The following MTFMT variants were observed in gnomAD, a reference collection of about 807,000 sequenced individuals.
MTFMT encodes methionyl-tRNA formyltransferase, mitochondrial.
Under a neutral mutation model 51.8 loss-of-function variants are expected in MTFMT, and 47 were observed. The observed-to-expected ratio is 0.91, with a 90% CI of 0.72 to 1.16. The LOEUF (loss-of-function observed/expected upper bound fraction) is 1.16, where lower values mean the gene tolerates loss of function less well. Among genes scored for constraint, MTFMT ranks in the 50% most tolerant of loss-of-function variants. The probability of loss-of-function intolerance (pLI) is 0.00; values close to 1 mark genes in which losing one functional copy is unlikely to be tolerated. For synonymous variants in MTFMT, 196 were observed against 176.7 expected, an observed-to-expected ratio of 1.11 and a Z score of -0.87; for missense variants, 512 against 482.3, an observed-to-expected ratio of 1.06 and a Z score of -0.58.
At position 65,014,974 on chromosome 15, in the gene MTFMT, C is replaced by A. The variant is rs548172753; in HGVS notation, c.813+1462G>T. 7.6e-4 allele frequency among the ~76,000 whole-genome samples: 114 copies of A among 150,930 alleles called. 1 individual carries two copies. Among genetic ancestry groups the A allele is most frequent in the African/African-American group, 2.8e-3 (113 of 40,972 alleles). ...TTTTGCTTACTTGTTGTCTGTCCTC[C>A]CACAACACCTGTTTCTATAGTACCT... On this transcript the variant is annotated intron_variant, in intron 6 of 8. Coordinates refer to ENST00000220058, the MANE Select transcript of MTFMT (RefSeq NM_139242.4).
intron 2 of MTFMT, 122 bp from the exon 3 acceptor site, chr15:65,023,916 T>C: frequency 2.4e-6 from 2 of 839,144 alleles, no homozygotes; most frequent in Non-Finnish European, 3.5e-6. Context: ...AACTGACAGT[T>C]AAATCTAAGT....
intron 4 of MTFMT, 110 bp from the exon 5 acceptor site, chr15:65,020,382 T>TA: frequency 1.0e-6 from 1 of 958,038 alleles, no homozygotes; most frequent in Non-Finnish European, 1.5e-6. Flanking sequence ...TTTTTCTTTT[T>TA]CTTTTTTCAA....
intron 1 of MTFMT, among the ~76,000 whole-genome samples, chr15:65,028,211 G>A (rs946886687): frequency 6.6e-6 from 1 of 152,140 alleles, no homozygotes. Flanking sequence ...CTTGATCCCA[G>A]GAGTTTGAGA....
intron 3 of MTFMT, among the ~76,000 whole-genome samples, chr15:65,022,395 G>A (rs893863520): frequency 2.6e-5 from 4 of 151,842 alleles, no homozygotes; most frequent in Non-Finnish European, 5.9e-5. Flanking sequence ...AGAGGTTGCA[G>A]TGAGCTGAGA....
Position 65,021,647 on chromosome 15 carries a change from A to G in MTFMT, c.543-31T>C, listed in dbSNP as rs548318955. 1.2e-4 allele frequency: 179 copies of G among 1,461,092 alleles called. 2 individuals carry two copies. The South Asian group carries it at 2.0e-3, about 16-fold the overall frequency. 90.5% of individuals were successfully genotyped at this position (1,461,092 alleles called of 1,614,324 possible). On this transcript the variant is annotated intron_variant, in intron 3 of 8. Coordinates refer to ENST00000220058, the MANE Select transcript of MTFMT (RefSeq NM_139242.4). ...AAAAAATCAAAAGCAAATAATGACA[A>G]TGATTACCATTTCCTGAATCAATGT...
intron 1 of MTFMT, among the ~76,000 whole-genome samples, chr15:65,028,964 A>C (rs966152539): frequency 6.6e-6 from 1 of 152,178 alleles, no homozygotes; most frequent in African/African-American, 2.4e-5. Context: ...GGGGGTCAGG[A>C]GGAACTGCAA....
intron 7 of MTFMT, 108 bp from the exon 8 acceptor site, chr15:65,005,044 G>A: frequency 1.4e-6 from 1 of 729,768 alleles, no homozygotes; most frequent in Non-Finnish European, 2.3e-6. Context: ...ACTGATACCG[G>A]AGAGAACACA....
chr15:65,018,723 G>T (rs1411676508), intron 5 of MTFMT, among the ~76,000 whole-genome samples: 2 of 152,160 alleles, frequency 1.3e-5, no homozygotes. Context: ...AGTGTTAACA[G>T]AATGTAGGAG....
In MTFMT at chr15:65,003,021, A is replaced by T. The variant is rs559032718; in HGVS notation, c.*41T>A. On this transcript the variant is annotated 3_prime_UTR_variant, in exon 9 of 9. Coordinates refer to ENST00000220058, the MANE Select transcript of MTFMT (RefSeq NM_139242.4). ...TCCTTGTAAATAAGGTTTTTAATAA[A>T]TTACAAATATGTAATAGGTTTTTAT... The T allele has an allele frequency of 3.4e-4, 434 of 1,290,652 alleles. No individual in the cohort carries two copies. The African/African-American group carries it at 5.8e-3, about 17-fold the overall frequency. The allele number at this position is 1,290,652 out of a possible 1,614,324, so 79.9% of individuals were successfully genotyped here.
chr15:65,015,170 G>A (rs2086308904), intron 6 of MTFMT, among the ~76,000 whole-genome samples: 2 of 152,124 alleles, frequency 1.3e-5, no homozygotes. Context: ...AAAGCTCGGA[G>A]GTTAAATAAC....
intron 5 of MTFMT, among the ~76,000 whole-genome samples, chr15:65,017,823 C>G (rs186709104): frequency 3.9e-5 from 6 of 152,054 alleles, no homozygotes; most frequent in Non-Finnish European, 8.8e-5. Context: ...AGGAAAATCT[C>G]TTCTTACTAA....
Position 65,003,177 on chromosome 15 carries a change from G to C in MTFMT, c.1055C>G (p.Pro352Arg). 2 of 1,613,630 alleles carry C rather than the reference G, an allele frequency of 1.2e-6. No individual in the cohort carries two copies. Among genetic ancestry groups the C allele is most frequent in the South Asian group, 2.2e-5 (2 of 91,058 alleles). The change falls in exon 9 of 9, where the codon CCC (proline) becomes CGC (arginine). Residue 352 changes from proline to arginine, a missense_variant. Pro to Arg is a moderately radical substitution (Grantham distance 103). Transcript: ENST00000220058. Reference protein sequence around the residue: ...ATDFYNGYLHPWYQKNSQAQP... With the variant: ...ATDFYNGYLHRWYQKNSQAQP... ...AGCTTGGGAATTTTTCTGGTACCAG[G>C]GGTGCAAATATCCATTGTAGAAGTC...
chr15:65,008,546 T>C (rs1351039839), intron 6 of MTFMT, among the ~76,000 whole-genome samples: 1 of 152,222 alleles, frequency 6.6e-6, no homozygotes, highest in Non-Finnish European at 1.5e-5. Context: ...CCCAGCTAGT[T>C]AGTAGCAAAG....
intron 6 of MTFMT, among the ~76,000 whole-genome samples, chr15:65,008,725 G>T (rs944233200): frequency 2.0e-5 from 3 of 152,188 alleles, no homozygotes; most frequent in Non-Finnish European, 4.4e-5. Context: ...CTATGTCATA[G>T]CCTCTTCTAT....
Position 65,003,130 on chromosome 15 carries a change from GAA to G in MTFMT, c.1100_1101del (p.Phe367SerfsTer22), listed in dbSNP as rs754222633. 1.2e-6 allele frequency: 2 copies of G among 1,613,140 alleles called. No individual in the cohort carries two copies. The highest frequency in any genetic ancestry group is 1.7e-6 in the Non-Finnish European group (2 of 1,179,598). On this transcript the variant is annotated frameshift_variant, in exon 9 of 9. Coordinates refer to ENST00000220058, the MANE Select transcript of MTFMT (RefSeq NM_139242.4). LOFTEE classifies it high-confidence loss of function. ...NSQAQPSQCR[F>X]QTLRLPTKKK... ...TTCTTTGTTGGAAGTCTGAGAGTCTGAAATCTGCATTGGCTTGGTTGAGCTTG... is the reference window on the plus strand; with the variant it reads ...TTCTTTGTTGGAAGTCTGAGAGTCTGATCTGCATTGGCTTGGTTGAGCTTG...
Position 65,004,835 on chromosome 15 carries a change from A to T in MTFMT, c.975+19T>A, listed in dbSNP as rs1367975705. ...ATAGTAAAACAACTATGATAACTTG[A>T]AACTAATGAAAAACATACCTTGCAA... On this transcript the variant is annotated intron_variant, in intron 8 of 8. Coordinates refer to ENST00000220058, the MANE Select transcript of MTFMT (RefSeq NM_139242.4). 6.6e-7 allele frequency: 1 copy of T among 1,518,794 alleles called. No homozygotes were observed. The highest frequency in any genetic ancestry group is 9.0e-7 in the Non-Finnish European group (1 of 1,105,114). The allele number at this position is 1,518,794 out of a possible 1,614,324, so 94.1% of individuals were successfully genotyped here. A position where few individuals can be genotyped will look rare whatever the true frequency, so the allele number is the denominator to read the frequency against.
chr15:65,010,904 C>T (rs1197090231), intron 6 of MTFMT, among the ~76,000 whole-genome samples: 1 of 152,152 alleles, frequency 6.6e-6, no homozygotes, highest in Non-Finnish European at 1.5e-5. Flanking sequence ...TGAATTATAG[C>T]CATCCTAATG....
chr15:65,020,172 G>A, intron 5 of MTFMT, 25 bp downstream of exon 5: 1 of 1,594,438 alleles, frequency 6.3e-7, no homozygotes, highest in Non-Finnish European at 8.6e-7. Context: ...TTAGAAAGAT[G>A]AGAGTCTCTG....
intron 5 of MTFMT, 111 bp downstream of exon 5, chr15:65,020,086 G>GCAT (rs1018930869): frequency 8.2e-5 from 75 of 916,982 alleles, no homozygotes; most frequent in Non-Finnish European, 1.2e-4. Context: ...ACAAAAGTGG[G>GCAT]CACTCAATCA....
Sources: gnomAD v4.1 joint callset for allele counts (sites outside exome capture counted in the v4.1 genomes callset) on GRCh38, gnomAD v4.1.1 for gene constraint, MANE v1.5 for transcripts, NCBI Gene and HGNC (gene_info 2026-07-23, HGNC 2026-07-21) for gene names.